SLC39A11: variants seen among roughly 807,000 people sequenced by gnomAD.
The protein encoded by SLC39A11 is solute carrier family 39 member 11.
In SLC39A11, 33 loss-of-function variants were observed where a neutral mutation model predicts 36.1. That is an observed-to-expected ratio of 0.91 (90% CI 0.69 to 1.22). The LOEUF (loss-of-function observed/expected upper bound fraction) is 1.22, where lower values mean the gene tolerates loss of function less well. SLC39A11 is among the 50% of genes most tolerant of loss of function. The pLI, the probability that SLC39A11 is intolerant of heterozygous loss-of-function variation, is 0.00. For missense variants in SLC39A11, 432 were observed against 430.3 expected, an observed-to-expected ratio of 1.00 and a Z score of -0.03; for synonymous variants, 166 against 170.3, an observed-to-expected ratio of 0.97 and a Z score of 0.20.
At chr17:72,923,042 T>C (rs909389056) in intron 5 of SLC39A11, among the ~76,000 whole-genome samples, 1 of 151,150 alleles carries the variant, frequency 6.6e-6, no homozygotes, top group African/African-American at 2.4e-5. Flanking sequence ...AATTTTGCTT[T>C]GTATGGTGAT....
chr17:72,756,954 C>T (rs1435542775), intron 6 of SLC39A11, among the ~76,000 whole-genome samples: 7 of 147,648 alleles, frequency 4.7e-5, no homozygotes, highest in African/African-American at 1.5e-4. Flanking sequence ...TTGAGACCAG[C>T]TTGGCCAACA....
intron 5 of SLC39A11, among the ~76,000 whole-genome samples, chr17:72,880,682 C>CT (rs562107841): frequency 5.8e-4 from 82 of 141,148 alleles, no homozygotes; most frequent in African/African-American, 1.3e-3. Flanking sequence ...AGATACATGG[C>CT]TTTTTTTTTT....
intron 5 of SLC39A11, among the ~76,000 whole-genome samples, chr17:72,918,147 G>A (rs1412439799): frequency 6.6e-6 from 1 of 152,202 alleles, no homozygotes; most frequent in African/African-American, 2.4e-5. Flanking sequence ...GGTGGCTCAC[G>A]CCTGTAATCC....
chr17:73,021,633 C>A (rs2058355790), intron 4 of SLC39A11, among the ~76,000 whole-genome samples: 1 of 152,152 alleles, frequency 6.6e-6, no homozygotes. Context: ...AGCCTCTTTC[C>A]CCTTCCATAC....
chr17:73,024,595 G>A (rs1047821964), intron 4 of SLC39A11, among the ~76,000 whole-genome samples: 1 of 152,168 alleles, frequency 6.6e-6, no homozygotes, highest in Admixed American at 6.5e-5. Context: ...ACACCTCTGG[G>A]AGGAAAACTG....
chr17:72,938,575 G>T (rs1378984380), intron 5 of SLC39A11, among the ~76,000 whole-genome samples: 1 of 152,148 alleles, frequency 6.6e-6, no homozygotes, highest in Non-Finnish European at 1.5e-5. Context: ...ATCCCCAGAA[G>T]GAGCTTCTGC....
intron 4 of SLC39A11, among the ~76,000 whole-genome samples, chr17:72,970,533 TATA>T (rs1336576686): frequency 1.3e-5 from 2 of 151,984 alleles, no homozygotes; most frequent in Non-Finnish European, 2.9e-5. Flanking sequence ...AGAGAAAACA[TATA>T]ATAAGCCCCA....
At position 73,004,002 on chromosome 17, in the gene SLC39A11, C is replaced by T. The variant is rs369879131; in HGVS notation, c.306+27554G>A. ...TATGGAGGCTGAGGCAGGAGAATCA[C>T]TTAAACCCAGGAGGCAGAGGTTGCA... On this transcript the variant is annotated intron_variant, in intron 4 of 9. Coordinates refer to ENST00000255559, the MANE Select transcript of SLC39A11 (RefSeq NM_139177.4). Among the ~76,000 whole-genome samples, 213 of 151,844 alleles carry T rather than the reference C, an allele frequency of 1.4e-3. 2 individuals are homozygous for T. Among genetic ancestry groups the T allele is most frequent in the African/African-American group, 4.7e-3 (196 of 41,358 alleles).
chr17:72,792,163 G>A (rs1460011093), intron 6 of SLC39A11, among the ~76,000 whole-genome samples: 1 of 152,188 alleles, frequency 6.6e-6, no homozygotes, highest in African/African-American at 2.4e-5. Context: ...ATGCTGCACA[G>A]ACTAGTGACA....
At chr17:72,754,774 A>C (rs979721523) in intron 6 of SLC39A11, among the ~76,000 whole-genome samples, 2 of 152,204 alleles carry the variant, frequency 1.3e-5, no homozygotes, top group Non-Finnish European at 1.5e-5. Context: ...GATGCAGAGA[A>C]AAGGAGTGTG....
At chr17:72,795,163 G>A (rs770082410) in intron 6 of SLC39A11, among the ~76,000 whole-genome samples, 40 of 152,028 alleles carry the variant, frequency 2.6e-4, no homozygotes, top group Non-Finnish European at 5.4e-4. Flanking sequence ...AATCCTGTAT[G>A]GTCTCAGTCT....
intron 5 of SLC39A11, among the ~76,000 whole-genome samples, chr17:72,868,588 C>T (rs938939291): frequency 1.6e-5 from 2 of 126,566 alleles, no homozygotes. Flanking sequence ...TCAAGACCAG[C>T]CTCGGCAATA....
intron 4 of SLC39A11, among the ~76,000 whole-genome samples, chr17:72,984,291 GA>G (rs1398794720): frequency 4.0e-5 from 6 of 151,258 alleles, no homozygotes; most frequent in Non-Finnish European, 8.8e-5. Context: ...GATGGGCACA[GA>G]AGTAGCCATG....
At chr17:72,677,417 G>A (rs1365855233) in intron 7 of SLC39A11, among the ~76,000 whole-genome samples, 3 of 152,320 alleles carry the variant, frequency 2.0e-5, no homozygotes, top group East Asian at 1.9e-4. Context: ...CACTCCTTTC[G>A]GGTCAGGAGA....
intron 7 of SLC39A11, among the ~76,000 whole-genome samples, chr17:72,680,564 T>G (rs2071470121): frequency 1.3e-5 from 2 of 152,228 alleles, no homozygotes; most frequent in Non-Finnish European, 2.9e-5. Context: ...GCTCCTCATT[T>G]GCCTTCCGCC....
rs571253327 is a variant in SLC39A11, at chr17:72,787,289, G to C, written c.602-50570C>G. Among the ~76,000 whole-genome samples, 42 of 112,012 alleles carry C rather than the reference G, an allele frequency of 3.7e-4. No individual in the cohort carries two copies. In the East Asian group the frequency reaches 9.4e-3, roughly 25 times the overall value. The allele number at this position is 112,012 out of a possible 152,430, so 73.5% of individuals were successfully genotyped here. On this transcript the variant is annotated intron_variant, in intron 6 of 9. Coordinates refer to ENST00000255559, the MANE Select transcript of SLC39A11 (RefSeq NM_139177.4). ...TTTTTTTTTTTTGAGGCAGAGTCTCGCTCTGATGCCTAGGCTGGATGGCAG... is the reference window on the plus strand; with the variant it reads ...TTTTTTTTTTTTGAGGCAGAGTCTCCCTCTGATGCCTAGGCTGGATGGCAG...
At chr17:72,985,609 C>T (rs1056352699) in intron 4 of SLC39A11, among the ~76,000 whole-genome samples, 5 of 152,104 alleles carry the variant, frequency 3.3e-5, no homozygotes, top group Admixed American at 6.5e-5. Flanking sequence ...GACAGGGTTT[C>T]GCCATGTTGG....
At chr17:72,734,817 C>A (rs1038982848) in intron 7 of SLC39A11, among the ~76,000 whole-genome samples, 1 of 152,126 alleles carries the variant, frequency 6.6e-6, no homozygotes, top group African/African-American at 2.4e-5. Context: ...CGGTTTCCTG[C>A]GCTCTGGGAG....
intron 7 of SLC39A11, among the ~76,000 whole-genome samples, chr17:72,694,444 C>T (rs575602402): frequency 2.6e-5 from 4 of 152,364 alleles, no homozygotes; most frequent in Non-Finnish European, 4.4e-5. Context: ...GAAGAACTGT[C>T]TCCTTGGTCT....
Sources: allele counts gnomAD v4.1 joint callset (sites outside exome capture counted in the v4.1 genomes callset), GRCh38; gene constraint gnomAD v4.1.1; transcripts MANE v1.5; gene names NCBI Gene and HGNC (gene_info 2026-07-23, HGNC 2026-07-21).